The following CACNA1C variants were observed in gnomAD, a reference collection of about 807,000 sequenced individuals.
CACNA1C encodes voltage-dependent L-type calcium channel subunit alpha-1C.
In CACNA1C, 30 loss-of-function variants were observed where a neutral mutation model predicts 229.0. The ratio of observed to expected loss-of-function variants is 0.13; its 90% CI spans 0.10 to 0.18. The LOEUF is 0.18. Among genes scored for constraint, CACNA1C ranks in the 10% least tolerant of loss-of-function variants. The pLI is 1.00. For missense variants in CACNA1C, 1,658 were observed against 2,845.0 expected, an observed-to-expected ratio of 0.58 and a Z score of 9.49; for synonymous variants, 1,114 against 1,132.5, an observed-to-expected ratio of 0.98 and a Z score of 0.33.
chr12:2,507,383 G>A (rs961504661), intron 8 of CACNA1C, among the ~76,000 whole-genome samples: 3 of 152,114 alleles, frequency 2.0e-5, no homozygotes, highest in Admixed American at 6.5e-5. Flanking sequence ...GGTTGCCCCC[G>A]CCCCATGCAG....
intron 3 of CACNA1C, among the ~76,000 whole-genome samples, chr12:2,318,757 G>A (rs1209202293): frequency 6.6e-6 from 1 of 152,054 alleles, no homozygotes; most frequent in Admixed American, 6.6e-5. Flanking sequence ...AGGGAAGGAG[G>A]GAGATGGCAT....
chr12:1,985,965 C>T (rs944498920), intron 1 of CACNA1C, among the ~76,000 whole-genome samples: 1 of 152,158 alleles, frequency 6.6e-6, no homozygotes, highest in Non-Finnish European at 1.5e-5. Flanking sequence ...TGCCTGCCAC[C>T]ACACTTGGCT....
chr12:2,623,260 C>T (rs2084351035), intron 29 of CACNA1C, among the ~76,000 whole-genome samples: 1 of 152,112 alleles, frequency 6.6e-6, no homozygotes, highest in Non-Finnish European at 1.5e-5. Flanking sequence ...TTCTCCCTCC[C>T]ATCCCTCCCC....
intron 29 of CACNA1C, among the ~76,000 whole-genome samples, chr12:2,616,777 A>G (rs1248560111): frequency 6.6e-6 from 1 of 152,224 alleles, no homozygotes; most frequent in Admixed American, 6.5e-5. Context: ...AGCCTTGTCC[A>G]GCTGCTGGCC....
chr12:2,691,080 T>C lies in CACNA1C; in HGVS notation c.6298T>C (p.Cys2100Arg). The C allele has an allele frequency of 6.2e-7, 1 of 1,611,802 alleles. No individual in the cohort carries two copies. The highest frequency in any genetic ancestry group is 8.5e-7 in the Non-Finnish European group (1 of 1,179,170). ...TGGCGCCCTCTTACCCTTTGTGAACTGCAGGGACGCGGGGCAGGACCGAGC... is the reference window on the plus strand; with the variant it reads ...TGGCGCCCTCTTACCCTTTGTGAACCGCAGGGACGCGGGGCAGGACCGAGC... ...PNGALLPFVN[C>R]RDAGQDRAGG... Residue 2100 changes from cysteine to arginine, a missense_variant, in exon 47 of 47, where the codon TGC (cysteine) becomes CGC (arginine). Coordinates refer to ENST00000399655, the MANE Select transcript of CACNA1C (RefSeq NM_000719.7).
At position 2,691,156 on chromosome 12, in the gene CACNA1C, A is replaced by C; in HGVS notation, c.6374A>C (p.Glu2125Ala). Residue 2125 changes from glutamate to alanine, a missense_variant, in exon 47 of 47, where the codon GAG (glutamate) becomes GCG (alanine). Around this residue, in one of 20 missense-constraint regions of CACNA1C, gnomAD observed 590 missense variants for 700.8 expected, o/e 0.84. Transcript: ENST00000399655. ...GCVRARGRPS[E>A]EELQDSRVYV... is the part of the protein sequence containing the mutation. Reference sequence around the variant, plus strand: ...GTGCGCGCGCGGGGTCGACCGAGTGAGGAGGAGCTCCAGGACAGCAGGGTC... The same window carrying C: ...GTGCGCGCGCGGGGTCGACCGAGTGCGGAGGAGCTCCAGGACAGCAGGGTC... 6.2e-7 allele frequency: 1 copy of C among 1,605,468 alleles called. No individual in the cohort carries two copies. Among genetic ancestry groups the C allele is most frequent in the East Asian group, 2.2e-5 (1 of 44,616 alleles).
chr12:2,226,100 G>A (rs1355176822), intron 3 of CACNA1C, among the ~76,000 whole-genome samples: 1 of 144,698 alleles, frequency 6.9e-6, no homozygotes, highest in Non-Finnish European at 1.5e-5. Context: ...AACTCCCAAG[G>A]TATGCCGCTT....
At chr12:2,011,444 G>A (rs906950990) in intron 1 of CACNA1C, 2 of 152,142 alleles carry the variant, frequency 1.3e-5, no homozygotes, top group Non-Finnish European at 2.9e-5. Flanking sequence ...TAGCGCTAAG[G>A]TCATAGAGGG....
intron 8 of CACNA1C, among the ~76,000 whole-genome samples, chr12:2,506,163 G>A (rs978851656): frequency 1.3e-5 from 2 of 152,138 alleles, no homozygotes; most frequent in African/African-American, 4.8e-5. Context: ...CTAAGGTGAG[G>A]CCACACAGGA....
intron 3 of CACNA1C, among the ~76,000 whole-genome samples, chr12:2,448,229 G>A (rs1212426174): frequency 1.3e-5 from 2 of 152,184 alleles, no homozygotes; most frequent in Non-Finnish European, 2.9e-5. Flanking sequence ...GGCAGGGGAG[G>A]AAGAAGATTG....
intron 3 of CACNA1C, among the ~76,000 whole-genome samples, chr12:2,415,644 C>T (rs901562924): frequency 1.3e-5 from 2 of 152,172 alleles, no homozygotes; most frequent in African/African-American, 4.8e-5. Context: ...CCTGGGGAGG[C>T]AGAGGTCGGA....
At chr12:2,415,990 C>G (rs1379595275) in intron 3 of CACNA1C, among the ~76,000 whole-genome samples, 1 of 152,126 alleles carries the variant, frequency 6.6e-6, no homozygotes, top group Admixed American at 6.5e-5. Context: ...TTTCTGTCCT[C>G]TCAGAGGAGC....
At chr12:2,315,722 C>A (rs1345208405) in intron 3 of CACNA1C, among the ~76,000 whole-genome samples, 1 of 152,170 alleles carries the variant, frequency 6.6e-6, no homozygotes, top group Non-Finnish European at 1.5e-5. Context: ...AAGTTCTAGG[C>A]ACTATTTTAG....
intron 3 of CACNA1C, among the ~76,000 whole-genome samples, chr12:2,358,855 C>T (rs1468986491): frequency 2.0e-5 from 3 of 152,122 alleles, no homozygotes; most frequent in African/African-American, 4.8e-5. Flanking sequence ...TCTGGGCCCC[C>T]GAGACTGGGA....
At chr12:2,663,735 C>CTTTTTTTTTTTTTTTTTTTT in intron 34 of CACNA1C, among the ~76,000 whole-genome samples, 1 of 103,892 alleles carries the variant, frequency 9.6e-6, no homozygotes, top group Non-Finnish European at 1.9e-5. Flanking sequence ...AATAGAGTAT[C>CTTTTTTTTTTTTTTTTTTTT]TTTTTTTTTT....
At position 2,410,250 on chromosome 12, in the gene CACNA1C, C is replaced by T. The variant is rs11062219; in HGVS notation, c.478-38726C>T. On this transcript the variant is annotated intron_variant, in intron 3 of 46. Transcript: ENST00000399655. This position sits in a 1 kb window ranked among gnomAD's most constrained non-coding sequence, Gnocchi z 5.3. ...ATGGCGACCGCAGAATCGACCTCAACGAGCTCGTCGCCGGGCACCGTTTTA... is the reference window on the plus strand; with the variant it reads ...ATGGCGACCGCAGAATCGACCTCAATGAGCTCGTCGCCGGGCACCGTTTTA... Among the ~76,000 whole-genome samples, 54,125 of 151,744 alleles carry T rather than the reference C, an allele frequency of 0.36. 9,860 individuals carry two copies. Among genetic ancestry groups the T allele is most frequent in the Admixed American group, 0.48 (7,358 of 15,262 alleles).
In CACNA1C at chr12:2,089,851, A is replaced by G. The variant is rs544963827; in HGVS notation, c.50-25373A>G. Among the ~76,000 whole-genome samples, 22 of 143,544 alleles carry G rather than the reference A, an allele frequency of 1.5e-4. No individual in the cohort carries two copies. The South Asian group carries it at 2.1e-3, about 14-fold the overall frequency. The allele number at this position is 143,544 out of a possible 152,430, so 94.2% of individuals were successfully genotyped here. The stretch of plus-strand genomic sequence containing the variant: ...AGATCGAGACCAGCCTGGCCAACAT[A>G]GTGAAACCCCTACTAAAAATACAAA... On this transcript the variant is annotated intron_variant, in intron 1 of 46. Coordinates refer to ENST00000399655, the MANE Select transcript of CACNA1C (RefSeq NM_000719.7).
intron 3 of CACNA1C, among the ~76,000 whole-genome samples, chr12:2,374,482 G>A (rs907761745): frequency 1.3e-5 from 2 of 152,206 alleles, no homozygotes; most frequent in African/African-American, 4.8e-5. Flanking sequence ...CCCTCTGCCT[G>A]TCTCAATAGC....
At chr12:2,158,889 G>A (rs11062133) in intron 3 of CACNA1C, among the ~76,000 whole-genome samples, 15,479 of 152,064 alleles carry the variant, frequency 0.1, 2,511 homozygotes, top group African/African-American at 0.34. Flanking sequence ...ATGTGAGAGG[G>A]GGCCCTTCAT....
Sources: allele counts gnomAD v4.1 joint callset (sites outside exome capture counted in the v4.1 genomes callset), GRCh38; gene constraint gnomAD v4.1.1; regional missense constraint gnomAD v4.1.1; non-coding constraint Gnocchi (gnomAD v3.1); transcripts MANE v1.5; gene names NCBI Gene and HGNC (gene_info 2026-07-23, HGNC 2026-07-21).